The following DPP9 variants were observed in gnomAD, a reference collection of about 807,000 sequenced individuals.
The protein encoded by DPP9 is dipeptidyl peptidase 9.
A neutral mutation model predicts 110.7 loss-of-function variants in DPP9; 50 were observed. The observed-to-expected ratio is 0.45, with a 90% confidence interval of 0.36 to 0.57. DPP9 has a LOEUF of 0.57. DPP9 is among the 20% of genes least tolerant of loss of function. The pLI, the probability that DPP9 is intolerant of heterozygous loss-of-function variation, is 0.00. For synonymous variants in DPP9, 561 were observed against 514.4 expected (o/e 1.09, Z -1.23); for missense variants, 1,022 against 1,217.9 (o/e 0.84, Z 2.39).
At chr19:4,723,590 C>T (rs1599975104) in intron 1 of DPP9, 84 bp downstream of exon 1, 1 of 155,286 alleles carries the variant, frequency 6.4e-6, no homozygotes, top group South Asian at 1.8e-4. Flanking sequence ...ATGGCGAGGG[C>T]AGGGTCAGGG....
At chr19:4,699,808 G>A (rs941653542) in intron 10 of DPP9, among the ~76,000 whole-genome samples, 12 of 152,194 alleles carry the variant, frequency 7.9e-5, no homozygotes, top group African/African-American at 2.2e-4. Context: ...CAGCCCGTCC[G>A]AAGTTGGGGT....
intron 8 of DPP9, 83 bp from the exon 9 acceptor site, chr19:4,702,238 G>A (rs759778680): frequency 5.4e-4 from 812 of 1,494,724 alleles, no homozygotes; most frequent in Non-Finnish European, 6.8e-4. Context: ...CTGCAGCACC[G>A]GGGCCTGAAG....
rs754891284 is a variant in DPP9, at chr19:4,688,906, G to T, written c.1750-14C>A. On this transcript the variant is annotated splice_polypyrimidine_tract_variant and intron_variant, in intron 15 of 21. Transcript: ENST00000262960. ...CATGTCGAAGTTCTGGGGGTGGAAT[G>T]GGGTGATGAGCTCCACGGGATGCCG... is the stretch of plus-strand genomic sequence containing the variant. 4.0e-6 allele frequency: 6 copies of T among 1,513,094 alleles called. No individual in the cohort carries two copies. In the East Asian group the frequency reaches 1.3e-4, roughly 33 times the overall value. The allele number at this position is 1,513,094 out of a possible 1,614,324, so 93.7% of individuals were successfully genotyped here.
chr19:4,690,424 C>A (rs1270462096), intron 14 of DPP9, among the ~76,000 whole-genome samples: 2 of 152,160 alleles, frequency 1.3e-5, no homozygotes, highest in Non-Finnish European at 2.9e-5. Flanking sequence ...GACCAGGGAC[C>A]CTAAGACGTG....
Position 4,690,955 on chromosome 19 carries a change from C to T in DPP9, c.1519G>A (p.Glu507Lys), listed in dbSNP as rs1280022227. 6.2e-7 allele frequency: 1 copy of T among 1,611,970 alleles called. No homozygotes were observed. Among genetic ancestry groups the T allele is most frequent in the Non-Finnish European group, 8.5e-7 (1 of 1,179,104 alleles). The stretch of plus-strand genomic sequence containing the variant: ...TCTTCCTTAATGGGGCACTTAAATT[C>T]ATCTGGAAAGAAAGAAAGAAGGGAG... Reference protein sequence around the residue: ...WSEPFSPGEDEFKCPIKEEIA... With the variant: ...WSEPFSPGEDKFKCPIKEEIA... Residue 507 changes from glutamate (E) to lysine (K), a missense_variant and splice_region_variant, in exon 14 of 22, where the codon GAA (glutamate) becomes AAA (lysine). This residue lies in a region of DPP9 where 810 missense variants were observed against 920.6 expected (regional missense o/e 0.88). Transcript: ENST00000262960.
rs2088808500 is a variant in DPP9 at position 4,676,126 on chromosome 19, G to A, written c.*438C>T. ...CCCCCAAACAAAACACAAACATCAA[G>A]TTGGGGAGGCTGGCCGGGGGGGACA... On this transcript the variant is annotated 3_prime_UTR_variant, in exon 22 of 22. Transcript: ENST00000262960. This position sits in a 1 kb window ranked among gnomAD's most constrained non-coding sequence, Gnocchi z 4.0. The A allele has an allele frequency of 1.1e-5, 2 of 177,304 alleles. No individual in the cohort carries two copies. The highest frequency in any genetic ancestry group is 2.7e-4 in the South Asian group (2 of 7,452). The allele number at this position is 177,304 out of a possible 1,614,324, so 11.0% of individuals were successfully genotyped here.
In DPP9 at chr19:4,690,812, TGTGA is replaced by T. The variant is rs774409684; in HGVS notation, c.1596+62_1596+65del. The T allele has an allele frequency of 8.6e-5, 107 of 1,239,374 alleles. 1 individual carries two copies. The highest frequency in any genetic ancestry group is 7.1e-4 in the South Asian group (57 of 79,896). The allele number at this position is 1,239,374 out of a possible 1,614,324, so 76.8% of individuals were successfully genotyped here. Reference sequence around the variant, plus strand: ...GTGTGTGTATGCGCGTGCGTGTGTGTGTGAGTGTATGTGTGTAAAACACACATGC... The same window carrying T: ...GTGTGTGTATGCGCGTGCGTGTGTGTGTGTATGTGTGTAAAACACACATGC... On this transcript the variant is annotated intron_variant, in intron 14 of 21. Transcript: ENST00000262960.
rs1276088638 is a variant in DPP9 at position 4,702,099 on chromosome 19, C to A, written c.940G>T (p.Val314Leu). The change falls in exon 9 of 22, where the codon GTG (valine) becomes TTG (leucine). Residue 314 changes from valine to leucine, a missense_variant. Physicochemically the swap from Val to Leu is conservative, Grantham distance 32 (BLOSUM62 1). This residue lies in a region of DPP9 where 810 missense variants were observed against 920.6 expected (regional missense o/e 0.88). Coordinates refer to ENST00000262960, the MANE Select transcript of DPP9 (RefSeq NM_139159.5). ...GGAGAGGGGACGTGAATGACCTCCACCTCGGACTCATCGACTTCCTCATAC... is the reference window on the plus strand; with the variant it reads ...GGAGAGGGGACGTGAATGACCTCCAACTCGGACTCATCGACTTCCTCATAC... ...ILYEEVDESE[V>L]EVIHVPSPAL... 4 of 1,613,836 alleles carry A rather than the reference C, an allele frequency of 2.5e-6. No individual in the cohort carries two copies. The highest frequency in any genetic ancestry group is 3.4e-6 in the Non-Finnish European group (4 of 1,179,848).
chr19:4,704,382 G>T lies in DPP9; in HGVS notation c.427-78C>A. ...CGCTGGCCAGGGCAGAGATCCTCGGGCTGGGGCATTCCCAGGGAATCTGAC... is the reference window on the plus strand; with the variant it reads ...CGCTGGCCAGGGCAGAGATCCTCGGTCTGGGGCATTCCCAGGGAATCTGAC... On this transcript the variant is annotated intron_variant, in intron 5 of 21. Transcript: ENST00000262960. The surrounding 1 kb of genome is among the most constrained non-coding windows in gnomAD (Gnocchi z 6.0). 1 of 1,506,014 alleles carries T rather than the reference G, an allele frequency of 6.6e-7. No individual in the cohort carries two copies. Among genetic ancestry groups the T allele is most frequent in the Non-Finnish European group, 9.0e-7 (1 of 1,109,102 alleles). 93.3% of individuals were successfully genotyped at this position (1,506,014 alleles called of 1,614,324 possible).
At chr19:4,703,481 A>AT (rs2092411022) in intron 7 of DPP9, among the ~76,000 whole-genome samples, 1 of 151,422 alleles carries the variant, frequency 6.6e-6, no homozygotes, top group African/African-American at 2.4e-5. Context: ...AAAAAAAAAA[A>AT]AAAAATTAGC....
In DPP9 at chr19:4,695,344, A is replaced by G. The variant is rs528818224; in HGVS notation, c.1353+34T>C. 3.9e-6 allele frequency: 6 copies of G among 1,527,454 alleles called. No individual in the cohort carries two copies. The Admixed American group carries it at 1.2e-4, about 32-fold the overall frequency. The allele number at this position is 1,527,454 out of a possible 1,614,324, so 94.6% of individuals were successfully genotyped here. On this transcript the variant is annotated intron_variant, in intron 12 of 21. Coordinates refer to ENST00000262960, the MANE Select transcript of DPP9 (RefSeq NM_139159.5). This position sits in a 1 kb window ranked among gnomAD's most constrained non-coding sequence, Gnocchi z 4.7. The stretch of plus-strand genomic sequence containing the variant: ...TGGGGACAGTGTGACTCCAGGGCCC[A>G]GGCGGGCATACAGCCAGCGCTTGCC...
At chr19:4,697,128 T>G (rs2091877015) in intron 11 of DPP9, among the ~76,000 whole-genome samples, 1 of 151,702 alleles carries the variant, frequency 6.6e-6, no homozygotes, top group African/African-American at 2.4e-5. Context: ...AGGCTGAATT[T>G]GCCCACTGGG....
At chr19:4,706,040 G>T in intron 4 of DPP9, 70 bp from the exon 5 acceptor site, 1 of 1,329,046 alleles carries the variant, frequency 7.5e-7, no homozygotes, top group Non-Finnish European at 1.1e-6. Flanking sequence ...TCAGCCTGCA[G>T]CTGGGCCCAG....
intron 8 of DPP9, among the ~76,000 whole-genome samples, chr19:4,702,378 T>C (rs990843949): frequency 1.3e-5 from 2 of 152,162 alleles, no homozygotes; most frequent in South Asian, 4.1e-4. Flanking sequence ...ACTCCCAGCA[T>C]GAACTGGCAT....
chr19:4,711,438 TG>T (rs1371572053), intron 4 of DPP9, among the ~76,000 whole-genome samples: 2 of 152,018 alleles, frequency 1.3e-5, no homozygotes, highest in African/African-American at 4.8e-5. Context: ...GAGATGATCC[TG>T]GATTACCCAA....
At chr19:4,699,158 CAA>C (rs144927941) in intron 10 of DPP9, among the ~76,000 whole-genome samples, 2,398 of 50,788 alleles carry the variant, frequency 0.047, 39 homozygotes, top group African/African-American at 0.16. Context: ...GACTCCACCT[CAA>C]AAAAAAAAAA....
intron 16 of DPP9, among the ~76,000 whole-genome samples, chr19:4,686,725 T>C (rs966867287): frequency 3.3e-5 from 5 of 152,244 alleles, no homozygotes; most frequent in African/African-American, 1.2e-4. Context: ...TTTAAATAAA[T>C]GTATGTAGGT....
Position 4,695,049 on chromosome 19 carries a change from G to A in DPP9, c.1354-226C>T, listed in dbSNP as rs2091671936. ...GCTTGTGGTCCTAGCTACTCTGGAGGCTGAGGTGGGAGGATCACTTAGGCC... is the reference window on the plus strand; with the variant it reads ...GCTTGTGGTCCTAGCTACTCTGGAGACTGAGGTGGGAGGATCACTTAGGCC... On this transcript the variant is annotated intron_variant, in intron 12 of 21. Coordinates refer to ENST00000262960, the MANE Select transcript of DPP9 (RefSeq NM_139159.5). The surrounding 1 kb of genome is among the most constrained non-coding windows in gnomAD (Gnocchi z 4.7). 4 of 602,634 alleles carry A rather than the reference G, an allele frequency of 6.6e-6. No homozygotes were observed. The East Asian group carries it at 1.1e-4, about 17-fold the overall frequency. 37.3% of individuals were successfully genotyped at this position (602,634 alleles called of 1,614,324 possible).
rs1173547778 is a variant in DPP9 at position 4,685,880 on chromosome 19, C to A, written c.1886-109G>T. 1 of 1,291,018 alleles carries A rather than the reference C, an allele frequency of 7.7e-7. No homozygotes were observed. Among genetic ancestry groups the A allele is most frequent in the East Asian group, 2.4e-5 (1 of 41,452 alleles). The allele number at this position is 1,291,018 out of a possible 1,614,324, so 80.0% of individuals were successfully genotyped here. ...TGGAGGGTGGACCAAAGCACCCCCT[C>A]TTTTCCTGGGCTTCCCGAGAGTTGA... On this transcript the variant is annotated intron_variant, in intron 16 of 21. Transcript: ENST00000262960. This position sits in a 1 kb window ranked among gnomAD's most constrained non-coding sequence, Gnocchi z 5.8.
Sources: gnomAD v4.1 joint callset for allele counts (sites outside exome capture counted in the v4.1 genomes callset) on GRCh38, gnomAD v4.1.1 for gene constraint, gnomAD v4.1.1 regional missense constraint, Gnocchi (gnomAD v3.1) non-coding constraint, MANE v1.5 for transcripts, NCBI Gene and HGNC (gene_info 2026-07-23, HGNC 2026-07-21) for gene names.